TPRG1: variants seen among roughly 807,000 people sequenced by gnomAD.
TPRG1 encodes tumor protein p63 regulated 1, also known as tumor protein p63-regulated gene 1 protein.
A neutral mutation model predicts 29.3 loss-of-function variants in TPRG1; 29 were observed. The ratio of observed to expected loss-of-function variants is 0.99; its 90% CI spans 0.74 to 1.35. The LOEUF (loss-of-function observed/expected upper bound fraction) is 1.35, where lower values mean the gene tolerates loss of function less well. Among genes scored for constraint, TPRG1 ranks in the 40% most tolerant of loss-of-function variants. The pLI is 0.00. For synonymous variants in TPRG1, 130 were observed against 116.8 expected (o/e 1.11, Z -0.73); for missense variants, 327 against 335.0 (o/e 0.98, Z 0.19).
At chr3:189,086,403 G>T (rs2152174758) in intron 4 of TPRG1, among the ~76,000 whole-genome samples, 1 of 151,582 alleles carries the variant, frequency 6.6e-6, no homozygotes, top group South Asian at 2.1e-4. Context: ...CAGGCTCCCA[G>T]GCTGCACTGC....
At chr3:189,272,940 T>C (rs1715482266) in intron 4 of TPRG1, among the ~76,000 whole-genome samples, 1 of 152,198 alleles carries the variant, frequency 6.6e-6, no homozygotes, top group African/African-American at 2.4e-5. Context: ...GGAATAGCCA[T>C]AGATTACTAA....
intron 3 of TPRG1, among the ~76,000 whole-genome samples, chr3:189,139,549 A>G (rs938136280): frequency 2.6e-5 from 4 of 152,206 alleles, no homozygotes; most frequent in Non-Finnish European, 5.9e-5. Flanking sequence ...GCTCGTATTC[A>G]TAATTTGACT....
intron 4 of TPRG1, among the ~76,000 whole-genome samples, chr3:189,249,781 T>G (rs1244474746): frequency 6.6e-6 from 1 of 151,858 alleles, no homozygotes; most frequent in African/African-American, 2.4e-5. Context: ...AAACAGGGAG[T>G]CTCCCTGATG....
intron 4 of TPRG1, among the ~76,000 whole-genome samples, chr3:189,036,863 A>G (rs1435212606): frequency 6.6e-6 from 1 of 151,912 alleles, no homozygotes; most frequent in Non-Finnish European, 1.5e-5. Context: ...ATTAAATGAA[A>G]CCAAATCATT....
At chr3:189,285,642 A>G (rs143760853) in intron 4 of TPRG1, among the ~76,000 whole-genome samples, 32 of 152,318 alleles carry the variant, frequency 2.1e-4, no homozygotes, top group African/African-American at 7.7e-4. Context: ...TTTTCACATC[A>G]ATATTACAGA....
At chr3:189,209,122 T>G (rs1734864675) in intron 2 of TPRG1, among the ~76,000 whole-genome samples, 1 of 152,184 alleles carries the variant, frequency 6.6e-6, no homozygotes, top group African/African-American at 2.4e-5. Context: ...TTTTAGAAGC[T>G]AGTGCTTTCA....
chr3:189,177,261 A>G (rs1258920753), intron 1 of TPRG1, among the ~76,000 whole-genome samples: 3 of 152,072 alleles, frequency 2.0e-5, no homozygotes, highest in East Asian at 1.9e-4. Context: ...GGTGAGATGA[A>G]TAAGTTTTGA....
chr3:189,226,353 A>G (rs1480380077), intron 3 of TPRG1, among the ~76,000 whole-genome samples: 1 of 152,224 alleles, frequency 6.6e-6, no homozygotes, highest in African/African-American at 2.4e-5. Context: ...GAGTCAAACT[A>G]GAAATAAATA....
At chr3:189,279,969 A>G (rs1716823110) in intron 4 of TPRG1, among the ~76,000 whole-genome samples, 1 of 152,310 alleles carries the variant, frequency 6.6e-6, no homozygotes, top group South Asian at 2.1e-4. Flanking sequence ...AATATTTGGT[A>G]GATCACGGGT....
intron 1 of TPRG1, among the ~76,000 whole-genome samples, chr3:189,201,362 C>A (rs535022151): frequency 6.6e-6 from 1 of 152,240 alleles, no homozygotes; most frequent in South Asian, 2.1e-4. Context: ...TTTTAAAAAT[C>A]CCGTGTGACT....
intron 4 of TPRG1, among the ~76,000 whole-genome samples, chr3:189,269,841 A>G (rs576271073): frequency 5.2e-4 from 79 of 152,272 alleles, no homozygotes; most frequent in Non-Finnish European, 9.6e-4. Flanking sequence ...GAGTTTTTTC[A>G]TTGACCTAAA....
At chr3:189,182,123 A>G (rs1342331171) in intron 1 of TPRG1, among the ~76,000 whole-genome samples, 1 of 152,208 alleles carries the variant, frequency 6.6e-6, no homozygotes, top group Non-Finnish European at 1.5e-5. Context: ...GGAATTCAAG[A>G]TGAGATTTGG....
At chr3:189,276,385 A>G (rs1418148144) in intron 4 of TPRG1, among the ~76,000 whole-genome samples, 1 of 152,192 alleles carries the variant, frequency 6.6e-6, no homozygotes, top group African/African-American at 2.4e-5. Flanking sequence ...GAAGGATGTC[A>G]TTAGTAGGCA....
At chr3:189,165,314 CA>C (rs1339626386) in intron 5 of TPRG1, among the ~76,000 whole-genome samples, 4 of 151,720 alleles carry the variant, frequency 2.6e-5, no homozygotes, top group African/African-American at 9.7e-5. Flanking sequence ...TTCCTTACAG[CA>C]AGACTGATTC....
chr3:189,033,001 C>T (rs1714024217), intron 4 of TPRG1, among the ~76,000 whole-genome samples: 1 of 151,776 alleles, frequency 6.6e-6, no homozygotes, highest in Non-Finnish European at 1.5e-5. Context: ...TCCAAATGTC[C>T]CACAACCGTG....
At chr3:189,205,636 G>A (rs962917546) in intron 1 of TPRG1, among the ~76,000 whole-genome samples, 6 of 152,148 alleles carry the variant, frequency 3.9e-5, no homozygotes, top group South Asian at 2.1e-4. Context: ...AGGTGACTCC[G>A]AGAATAATAT....
intron 1 of TPRG1, among the ~76,000 whole-genome samples, chr3:189,125,219 A>G (rs1490107837): frequency 6.6e-6 from 1 of 152,356 alleles, no homozygotes; most frequent in Non-Finnish European, 1.5e-5. Context: ...ATAGAGTCAG[A>G]GCAAGTCAAA....
intron 4 of TPRG1, among the ~76,000 whole-genome samples, chr3:189,026,433 T>C (rs1713667450): frequency 6.6e-6 from 1 of 152,200 alleles, no homozygotes; most frequent in South Asian, 2.1e-4. Context: ...TTTTGACATA[T>C]GAACTTTGGG....
chr3:189,016,636 G>A (rs948234147), intron 3 of TPRG1, among the ~76,000 whole-genome samples: 1 of 152,066 alleles, frequency 6.6e-6, no homozygotes, highest in Non-Finnish European at 1.5e-5. Flanking sequence ...GGACCAGGTG[G>A]GAGGTAATTG....
Sources: allele counts gnomAD v4.1 joint callset (sites outside exome capture counted in the v4.1 genomes callset), GRCh38; gene constraint gnomAD v4.1.1; transcripts MANE v1.5; gene names NCBI Gene and HGNC (gene_info 2026-07-23, HGNC 2026-07-21).